Variants in DPYD observed in about 807,000 individuals in gnomAD.
The protein encoded by DPYD is dihydropyrimidine dehydrogenase [NADP(+)].
DPYD carries 109 observed loss-of-function variants against 116.2 expected under a neutral mutation model. That is an observed-to-expected ratio of 0.94 (90% CI 0.80 to 1.10). DPYD has a LOEUF of 1.10. Among genes scored for constraint, DPYD ranks in the 50% least tolerant of loss-of-function variants. The pLI is 0.00. For missense variants in DPYD, 1,302 were observed against 1,254.5 expected (o/e 1.04, Z -0.57); for synonymous variants, 440 against 432.0 (o/e 1.02, Z -0.23).
intron 14 of DPYD, among the ~76,000 whole-genome samples, chr1:97,446,676 A>T (rs950953608): frequency 2.6e-5 from 4 of 152,158 alleles, no homozygotes; most frequent in African/African-American, 9.7e-5. Context: ...ACAAATGATA[A>T]AAAATTTCAG....
Position 97,748,332 on chromosome 1 carries a change from G to C in DPYD, c.234-7853C>G, listed in dbSNP as rs1013948001. Among the ~76,000 whole-genome samples the C allele has an allele frequency of 3.9e-5, 6 of 152,286 alleles. No individual in the cohort carries two copies. The East Asian group carries it at 9.7e-4, about 25-fold the overall frequency. Reference sequence around the variant, plus strand: ...CAGGACAAAGAGTATAATTTGGCCAGGCACGGTGACTCACACCTGTAATCC... The same window carrying C: ...CAGGACAAAGAGTATAATTTGGCCACGCACGGTGACTCACACCTGTAATCC... On this transcript the variant is annotated intron_variant, in intron 3 of 22. Coordinates refer to ENST00000370192, the MANE Select transcript of DPYD (RefSeq NM_000110.4).
intron 18 of DPYD, among the ~76,000 whole-genome samples, chr1:97,243,439 G>A (rs185504722): frequency 2.8e-4 from 43 of 151,970 alleles, no homozygotes; most frequent in Non-Finnish European, 5.6e-4. Context: ...TGTAAACTGA[G>A]ATTCAGCAGG....
chr1:97,674,335 G>A (rs1220009791), intron 8 of DPYD, among the ~76,000 whole-genome samples: 1 of 152,130 alleles, frequency 6.6e-6, no homozygotes, highest in East Asian at 1.9e-4. Flanking sequence ...TGATTTCACT[G>A]CATTTTCCCC....
chr1:97,716,941 AATT>A (rs1468684933), intron 5 of DPYD, among the ~76,000 whole-genome samples: 2 of 151,982 alleles, frequency 1.3e-5, no homozygotes, highest in Admixed American at 6.6e-5. Context: ...TTTTATTTTT[AATT>A]ATTATTAATA....
intron 18 of DPYD, among the ~76,000 whole-genome samples, chr1:97,281,200 A>G (rs568596794): frequency 9.2e-5 from 14 of 152,176 alleles, no homozygotes; most frequent in African/African-American, 3.4e-4. Flanking sequence ...GAATGACTAA[A>G]AGAAAGAATG....
At position 97,691,800 on chromosome 1, in the gene DPYD, T is replaced by A; in HGVS notation, c.681-2A>T. On this transcript the variant is annotated splice_acceptor_variant, in intron 6 of 22. Coordinates refer to ENST00000370192, the MANE Select transcript of DPYD (RefSeq NM_000110.4). LOFTEE classifies it high-confidence loss of function. ...CGGAACTGAGGAATTTCAGAAGTAC[T>A]GAAAAGAAAGGAGAAAGAAAAACAG... The A allele has an allele frequency of 6.2e-7, 1 of 1,613,160 alleles. No homozygotes were observed. The highest frequency in any genetic ancestry group is 8.5e-7 in the Non-Finnish European group (1 of 1,179,408).
chr1:97,318,198 T>C (rs548449631), intron 16 of DPYD, among the ~76,000 whole-genome samples: 6 of 145,268 alleles, frequency 4.1e-5, no homozygotes, highest in Non-Finnish European at 7.6e-5. Context: ...CCAGCTAACA[T>C]CATAATGACA....
intron 3 of DPYD, among the ~76,000 whole-genome samples, chr1:97,770,892 TCATA>T (rs1666105435): frequency 6.6e-6 from 1 of 152,188 alleles, no homozygotes; most frequent in African/African-American, 2.4e-5. Context: ...GACAATAATA[TCATA>T]AGTATTATAA....
At chr1:97,477,395 A>C (rs1678027223) in intron 13 of DPYD, among the ~76,000 whole-genome samples, 1 of 152,166 alleles carries the variant, frequency 6.6e-6, no homozygotes, top group African/African-American at 2.4e-5. Flanking sequence ...GCTATTTCTA[A>C]CATATCTTCA....
intron 13 of DPYD, among the ~76,000 whole-genome samples, chr1:97,500,638 G>A (rs1340603641): frequency 1.3e-5 from 2 of 152,012 alleles, no homozygotes; most frequent in East Asian, 3.9e-4. Context: ...TATCAGAGGT[G>A]ATACATGCCA....
At chr1:97,280,543 G>C (rs572005466) in intron 18 of DPYD, among the ~76,000 whole-genome samples, 2 of 152,184 alleles carry the variant, frequency 1.3e-5, no homozygotes, top group African/African-American at 4.8e-5. Flanking sequence ...GTACGCAATG[G>C]AATACTATTC....
chr1:97,489,426 A>G (rs1054763394), intron 13 of DPYD, among the ~76,000 whole-genome samples: 1 of 152,230 alleles, frequency 6.6e-6, no homozygotes, highest in African/African-American at 2.4e-5. Flanking sequence ...ACATGTGATA[A>G]AACTGTCTAG....
chr1:97,232,185 A>C (rs1661626304), intron 19 of DPYD, among the ~76,000 whole-genome samples: 1 of 152,132 alleles, frequency 6.6e-6, no homozygotes. Context: ...CAGGATTTTG[A>C]GCTGACAGTT....
intron 20 of DPYD, among the ~76,000 whole-genome samples, chr1:97,099,327 A>G (rs1460249193): frequency 6.6e-6 from 1 of 152,126 alleles, no homozygotes; most frequent in Non-Finnish European, 1.5e-5. Context: ...AGTATTCAAA[A>G]TCACATCACG....
At position 97,318,627 on chromosome 1, in the gene DPYD, T is replaced by C. The variant is rs189669637; in HGVS notation, c.2059-12330A>G. Among the ~76,000 whole-genome samples the C allele has an allele frequency of 8.1e-3, 1,227 of 151,978 alleles. 14 individuals are homozygous for C. The highest frequency in any genetic ancestry group is 0.013 in the Non-Finnish European group (881 of 67,984). On this transcript the variant is annotated intron_variant, in intron 16 of 22. Coordinates refer to ENST00000370192, the MANE Select transcript of DPYD (RefSeq NM_000110.4). Reference sequence around the variant, plus strand: ...AGAGACTTAGACTCCCACACATTAATAATGAGACACTTTAACACCCCACTG... The same window carrying C: ...AGAGACTTAGACTCCCACACATTAACAATGAGACACTTTAACACCCCACTG...
intron 13 of DPYD, among the ~76,000 whole-genome samples, chr1:97,475,878 G>A (rs1047647742): frequency 6.6e-6 from 1 of 152,160 alleles, no homozygotes; most frequent in Non-Finnish European, 1.5e-5. Context: ...CCTGATCCAA[G>A]ATAAATCAGA....
intron 1 of DPYD, among the ~76,000 whole-genome samples, chr1:97,893,242 C>A (rs974446012): frequency 1.3e-5 from 2 of 150,660 alleles, no homozygotes; most frequent in African/African-American, 4.9e-5. Flanking sequence ...TAAGGTAGTA[C>A]AAAAAATAGA....
chr1:97,634,397 C>A (rs1657444451), intron 8 of DPYD, among the ~76,000 whole-genome samples: 1 of 152,010 alleles, frequency 6.6e-6, no homozygotes, highest in Admixed American at 6.6e-5. Context: ...AAAATGGAAA[C>A]TGACACACTG....
chr1:97,340,530 T>A (rs751095202), intron 16 of DPYD, among the ~76,000 whole-genome samples: 1 of 151,912 alleles, frequency 6.6e-6, no homozygotes, highest in East Asian at 1.9e-4. Context: ...ATAAATTAGC[T>A]AGGTGTTGTG....
Sources: gnomAD v4.1 joint callset for allele counts (sites outside exome capture counted in the v4.1 genomes callset) on GRCh38, gnomAD v4.1.1 for gene constraint, MANE v1.5 for transcripts, NCBI Gene and HGNC (gene_info 2026-07-23, HGNC 2026-07-21) for gene names.